Variants in FBXW8 observed in about 807,000 individuals in gnomAD.
FBXW8 encodes F-box/WD repeat-containing protein 8.
FBXW8 carries 57 observed loss-of-function variants against 65.3 expected under a neutral mutation model. The ratio of observed to expected loss-of-function variants is 0.87; its 90% CI spans 0.71 to 1.09. The LOEUF (loss-of-function observed/expected upper bound fraction) is 1.09. Among genes scored for constraint, FBXW8 ranks in the 50% least tolerant of loss-of-function variants. FBXW8 has a pLI of 0.00. For missense variants in FBXW8, 777 were observed against 814.8 expected, an observed-to-expected ratio of 0.95 and a Z score of 0.57; for synonymous variants, 308 against 330.2, an observed-to-expected ratio of 0.93 and a Z score of 0.73.
At chr12:116,988,024 C>T (rs1012245018) in intron 6 of FBXW8, among the ~76,000 whole-genome samples, 5 of 152,290 alleles carry the variant, frequency 3.3e-5, no homozygotes, top group African/African-American at 1.2e-4. Context: ...TTATAAAGAA[C>T]GTTTTCATGC....
intron 2 of FBXW8, among the ~76,000 whole-genome samples, chr12:116,938,202 A>T (rs1183681561): frequency 1.3e-5 from 2 of 152,094 alleles, no homozygotes; most frequent in Non-Finnish European, 2.9e-5. Context: ...GTTCTCCTTT[A>T]AAAGAAGAAA....
chr12:116,966,547 G>A (rs1013025199), intron 5 of FBXW8, among the ~76,000 whole-genome samples: 8 of 152,092 alleles, frequency 5.3e-5, no homozygotes, highest in African/African-American at 1.4e-4. Flanking sequence ...AGAAATGTGC[G>A]CCCAATTGAT....
intron 8 of FBXW8, among the ~76,000 whole-genome samples, chr12:117,019,760 T>G (rs1954044355): frequency 6.6e-6 from 1 of 152,142 alleles, no homozygotes; most frequent in Non-Finnish European, 1.5e-5. Context: ...CGGTCATGAA[T>G]GAATTCTTGT....
At chr12:116,959,008 T>A (rs10735101) in intron 4 of FBXW8, among the ~76,000 whole-genome samples, 82,809 of 151,860 alleles carry the variant, frequency 0.55, 26,567 homozygotes, top group Admixed American at 0.7. Flanking sequence ...TCTGGGTGCC[T>A]GATCAGAACA....
Position 116,922,548 on chromosome 12 carries a change from G to A in FBXW8, c.319-5475G>A, listed in dbSNP as rs141304705. Reference sequence around the variant, plus strand: ...TAAGTCAGTTTCTTCACTTTTTACTGCTTTGGCTCTTAGTAATTATCTGTT... The same window carrying A: ...TAAGTCAGTTTCTTCACTTTTTACTACTTTGGCTCTTAGTAATTATCTGTT... On this transcript the variant is annotated intron_variant, in intron 1 of 10. Transcript: ENST00000652555. 1.4e-4 allele frequency among the ~76,000 whole-genome samples: 22 copies of A among 152,270 alleles called. 1 individual carries two copies. The South Asian group carries it at 3.5e-3, about 24-fold the overall frequency.
intron 8 of FBXW8, among the ~76,000 whole-genome samples, chr12:117,010,721 G>C (rs1045950210): frequency 1.2e-4 from 19 of 152,232 alleles, no homozygotes; most frequent in Non-Finnish European, 2.4e-4. Flanking sequence ...GGTCCAGGGA[G>C]ACCACTTGGA....
intron 8 of FBXW8, among the ~76,000 whole-genome samples, chr12:117,019,434 T>C (rs2279886): frequency 1.3e-5 from 2 of 152,330 alleles, no homozygotes; most frequent in East Asian, 3.9e-4. Flanking sequence ...TGTCTTGGCA[T>C]ATTCTGGTGC....
At chr12:116,982,783 T>C (rs992979057) in intron 5 of FBXW8, among the ~76,000 whole-genome samples, 13 of 152,200 alleles carry the variant, frequency 8.5e-5, no homozygotes, top group Admixed American at 1.3e-4. Context: ...ATAGATAAAC[T>C]CCATGTGTGC....
chr12:116,927,920 T>A (rs1245173190), intron 1 of FBXW8, 103 bp from the exon 2 acceptor site: 1 of 677,808 alleles, frequency 1.5e-6, no homozygotes, highest in Non-Finnish European at 2.5e-6. Flanking sequence ...TCATCTATCT[T>A]GTTACCACCT....
chr12:117,021,911 G>C (rs758558801), intron 8 of FBXW8, among the ~76,000 whole-genome samples: 7 of 152,164 alleles, frequency 4.6e-5, no homozygotes, highest in African/African-American at 1.4e-4. Flanking sequence ...GTGACTGCCT[G>C]GTTTTTCGTT....
intron 5 of FBXW8, among the ~76,000 whole-genome samples, chr12:116,984,385 T>C (rs1311193754): frequency 2.6e-5 from 4 of 152,126 alleles, no homozygotes; most frequent in African/African-American, 9.7e-5. Context: ...GAGGAATTAA[T>C]CTGGGTAGCA....
At chr12:116,981,667 G>T (rs1885314816) in intron 5 of FBXW8, among the ~76,000 whole-genome samples, 1 of 151,530 alleles carries the variant, frequency 6.6e-6, no homozygotes, top group Non-Finnish European at 1.5e-5. Flanking sequence ...AGGCTGGAGT[G>T]CAGTGGCACT....
intron 8 of FBXW8, among the ~76,000 whole-genome samples, chr12:117,015,018 T>C (rs1356674879): frequency 6.6e-6 from 1 of 152,164 alleles, no homozygotes; most frequent in African/African-American, 2.4e-5. Context: ...GGACTGTCCT[T>C]GGGGCACAGC....
intron 1 of FBXW8, 58 bp downstream of exon 1, chr12:116,911,413 A>G (rs1879932027): frequency 1.8e-6 from 2 of 1,100,828 alleles, no homozygotes; most frequent in Admixed American, 4.9e-5. Flanking sequence ...CCCCCAGGAC[A>G]AACCCCTGCA....
chr12:117,016,971 G>A (rs1357882013), intron 8 of FBXW8, among the ~76,000 whole-genome samples: 4 of 152,216 alleles, frequency 2.6e-5, no homozygotes, highest in African/African-American at 9.6e-5. Context: ...CGGACTCTCA[G>A]TTCTGTTCTG....
chr12:116,979,800 T>C (rs1245494227), intron 5 of FBXW8, among the ~76,000 whole-genome samples: 1 of 144,132 alleles, frequency 6.9e-6, no homozygotes, highest in Non-Finnish European at 1.5e-5. Flanking sequence ...AAAAAAACAC[T>C]TGCTTCTTAT....
intron 2 of FBXW8, 49 bp from the exon 3 acceptor site, chr12:116,945,315 G>T (rs373670573): frequency 6.3e-7 from 1 of 1,576,350 alleles, no homozygotes. Flanking sequence ...ATGACAAGGG[G>T]CTTCTCTAAT....
intron 7 of FBXW8, among the ~76,000 whole-genome samples, chr12:116,995,498 C>T (rs1030603636): frequency 6.6e-6 from 1 of 151,952 alleles, no homozygotes; most frequent in African/African-American, 2.4e-5. Flanking sequence ...TAAGTGTCGC[C>T]CAAGAGTTCC....
intron 8 of FBXW8, among the ~76,000 whole-genome samples, chr12:117,011,234 G>A (rs1386775093): frequency 2.0e-5 from 3 of 147,386 alleles, no homozygotes; most frequent in Admixed American, 6.8e-5. Context: ...CCCTGGGCCC[G>A]GCCCCGGGCT....
Sources: allele counts gnomAD v4.1 joint callset (sites outside exome capture counted in the v4.1 genomes callset), GRCh38; gene constraint gnomAD v4.1.1; transcripts MANE v1.5; gene names NCBI Gene and HGNC (gene_info 2026-07-23, HGNC 2026-07-21).